The following ANKRD39 variants were observed in gnomAD, a reference collection of about 807,000 sequenced individuals.
ANKRD39 encodes the protein ankyrin repeat domain 39.
In ANKRD39, 18 loss-of-function variants were observed where a neutral mutation model predicts 20.3. That is an observed-to-expected ratio of 0.89 (90% confidence interval 0.61 to 1.32). The LOEUF (loss-of-function observed/expected upper bound fraction) is 1.32, where lower values mean the gene tolerates loss of function less well. Among genes scored for constraint, ANKRD39 ranks in the 40% most tolerant of loss-of-function variants. ANKRD39 has a pLI of 0.00. For missense variants in ANKRD39, 243 were observed against 250.7 expected (o/e 0.97, Z 0.21); for synonymous variants, 106 against 111.9 (o/e 0.95, Z 0.33).
chr2:96,856,429 A>G (rs2153360103), intron 1 of ANKRD39, among the ~76,000 whole-genome samples: 1 of 150,000 alleles, frequency 6.7e-6, no homozygotes, highest in Non-Finnish European at 1.5e-5. Flanking sequence ...AGATTGCGCT[A>G]CTGCACGCCA....
At chr2:96,855,463 G>A (rs1306922789) in intron 1 of ANKRD39, among the ~76,000 whole-genome samples, 1 of 152,200 alleles carries the variant, frequency 6.6e-6, no homozygotes, top group Non-Finnish European at 1.5e-5. Flanking sequence ...AGTGGCTCAC[G>A]CCTGTAATCC....
Position 96,848,403 on chromosome 2 carries a change from CAGG to C in ANKRD39, c.447_449del (p.Leu150del), listed in dbSNP as rs761726697. On this transcript the variant is annotated inframe_deletion, in exon 4 of 4. Coordinates refer to ENST00000393537, the MANE Select transcript of ANKRD39 (RefSeq NM_016466.6). ...TGGCCTTCAGGGCTGGGCTGTGTTG[CAGG>C]AGGAGGGAGCAGATGTCCCCGTGAC... is the stretch of plus-strand genomic sequence containing the variant. 1.9e-6 allele frequency: 3 copies of C among 1,614,164 alleles called. No individual in the cohort carries two copies. In the Admixed American group the frequency reaches 5.0e-5, roughly 27 times the overall value.
rs775130091 is a variant in ANKRD39, at chr2:96,848,267, A to G, written c.*34T>C. 2 of 1,612,256 alleles carry G rather than the reference A, an allele frequency of 1.2e-6. No individual in the cohort carries two copies. Among genetic ancestry groups the G allele is most frequent in the South Asian group, 2.2e-5 (2 of 90,980 alleles). On this transcript the variant is annotated 3_prime_UTR_variant, in exon 4 of 4. Coordinates refer to ENST00000393537, the MANE Select transcript of ANKRD39 (RefSeq NM_016466.6). Reference sequence around the variant, plus strand: ...AGGGGCTTGGAGAACTGGTCTGTGTACCCTTTAAAGGCAGCTGGAGATAGG... The same window carrying G: ...AGGGGCTTGGAGAACTGGTCTGTGTGCCCTTTAAAGGCAGCTGGAGATAGG...
chr2:96,857,992 G>A lies in ANKRD39; in HGVS notation c.-5C>T, dbSNP rs771509338. 2.6e-6 allele frequency: 4 copies of A among 1,525,472 alleles called. No homozygotes were observed. Among genetic ancestry groups the A allele is most frequent in the Non-Finnish European group, 3.5e-6 (4 of 1,143,366 alleles). 94.5% of individuals were successfully genotyped at this position (1,525,472 alleles called of 1,614,324 possible). On this transcript the variant is annotated 5_prime_UTR_variant, in exon 1 of 4. Coordinates refer to ENST00000393537, the MANE Select transcript of ANKRD39 (RefSeq NM_016466.6). Reference sequence around the variant, plus strand: ...GCAGGGCCGAGGCGTCGCCATCCCGGCCCCGGCGTCAGTCGATCCGCCCCG... The same window carrying A: ...GCAGGGCCGAGGCGTCGCCATCCCGACCCCGGCGTCAGTCGATCCGCCCCG...
intron 2 of ANKRD39, 59 bp from the exon 3 acceptor site, chr2:96,853,663 A>T: frequency 6.5e-7 from 1 of 1,549,120 alleles, no homozygotes; most frequent in Non-Finnish European, 8.8e-7. Context: ...CAAGGGTGGT[A>T]TAGAGGTGAG....
rs534192996 is a variant in ANKRD39 at position 96,848,744 on chromosome 2, C to T, written c.409-300G>A. Among the ~76,000 whole-genome samples, 153 of 152,172 alleles carry T rather than the reference C, an allele frequency of 1.0e-3. 3 individuals are homozygous for T. The highest frequency in any genetic ancestry group is 3.4e-3 in the Middle Eastern group (1 of 294). ...GCTGAGACAGGAATATCGCTTGAACCCGGGAGGCGGAGGTTGCAGTGAGCT... is the reference window on the plus strand; with the variant it reads ...GCTGAGACAGGAATATCGCTTGAACTCGGGAGGCGGAGGTTGCAGTGAGCT... On this transcript the variant is annotated intron_variant, in intron 3 of 3. Transcript: ENST00000393537.
chr2:96,849,605 G>A (rs1175750454), intron 3 of ANKRD39, among the ~76,000 whole-genome samples: 2 of 151,988 alleles, frequency 1.3e-5, no homozygotes, highest in Non-Finnish European at 2.9e-5. Context: ...AGCCGAGATC[G>A]CGCCACTGCA....
At chr2:96,856,907 C>T (rs1300797413) in intron 1 of ANKRD39, among the ~76,000 whole-genome samples, 1 of 152,120 alleles carries the variant, frequency 6.6e-6, no homozygotes, top group East Asian at 1.9e-4. Flanking sequence ...CAAAACAAGA[C>T]CAGTGTGGCT....
intron 3 of ANKRD39, among the ~76,000 whole-genome samples, chr2:96,849,000 TAA>T (rs1275843133): frequency 6.6e-6 from 1 of 152,162 alleles, no homozygotes; most frequent in Non-Finnish European, 1.5e-5. Flanking sequence ...ACCTACACAT[TAA>T]AAACAAGTAC....
chr2:96,852,560 G>A (rs1219545257), intron 3 of ANKRD39, among the ~76,000 whole-genome samples: 1 of 148,328 alleles, frequency 6.7e-6, no homozygotes, highest in African/African-American at 2.5e-5. Context: ...GCAAACCCCA[G>A]GAAACCTTCA....
rs145738875 is a variant in ANKRD39 at position 96,848,426 on chromosome 2, C to G, written c.427G>C (p.Gly143Arg). The change falls in exon 4 of 4, where the codon GGG becomes CGG. Residue 143 changes from glycine (G) to arginine (R), a missense_variant. Gly to Arg is a moderately radical substitution (Grantham distance 125). Coordinates refer to ENST00000393537, the MANE Select transcript of ANKRD39 (RefSeq NM_016466.6). ...SLHKAAERGH[G>R]DICSLLLQHS... The stretch of plus-strand genomic sequence containing the variant: ...TGCAGGAGGAGGGAGCAGATGTCCC[C>G]GTGACCCCTCTCAGCAGCCTGTGGA... 6.2e-7 allele frequency: 1 copy of G among 1,614,002 alleles called. No homozygotes were observed. Among genetic ancestry groups the G allele is most frequent in the African/African-American group, 1.3e-5 (1 of 74,902 alleles).
intron 3 of ANKRD39, among the ~76,000 whole-genome samples, chr2:96,852,433 T>G (rs1574135553): frequency 8.4e-6 from 1 of 118,492 alleles, no homozygotes; most frequent in South Asian, 2.7e-4. Context: ...AAATTATTAG[T>G]AGGGCCTCTG....
intron 2 of ANKRD39, among the ~76,000 whole-genome samples, chr2:96,854,137 A>C (rs2079851925): frequency 2.0e-5 from 3 of 152,242 alleles, no homozygotes; most frequent in Admixed American, 6.5e-5. Context: ...AAAACAAAAC[A>C]AAACCTAAAT....
intron 3 of ANKRD39, among the ~76,000 whole-genome samples, chr2:96,851,892 T>C (rs574665894): frequency 6.6e-6 from 1 of 151,900 alleles, no homozygotes; most frequent in Admixed American, 6.6e-5. Flanking sequence ...GAGTAGTAGG[T>C]TCAAGAAAAT....
chr2:96,853,389 G>T lies in ANKRD39; in HGVS notation c.408+12C>A, dbSNP rs1459989529. 1 of 1,561,770 alleles carries T rather than the reference G, an allele frequency of 6.4e-7. No individual in the cohort carries two copies. Among genetic ancestry groups the T allele is most frequent in the South Asian group, 1.2e-5 (1 of 85,050 alleles). On this transcript the variant is annotated intron_variant, in intron 3 of 3. Transcript: ENST00000393537. ...AAGGAAACGACATTTTTGGAAGGGGGAACGGGCCCACCTTATGCAGACTGG... is the reference window on the plus strand; with the variant it reads ...AAGGAAACGACATTTTTGGAAGGGGTAACGGGCCCACCTTATGCAGACTGG...
intron 1 of ANKRD39, among the ~76,000 whole-genome samples, chr2:96,857,282 A>G (rs1401765549): frequency 1.3e-5 from 2 of 152,190 alleles, no homozygotes; most frequent in African/African-American, 2.4e-5. Context: ...GTGGTTCCCA[A>G]CGCTCACAAG....
chr2:96,851,448 A>C (rs1012193483), intron 3 of ANKRD39, among the ~76,000 whole-genome samples: 1 of 151,916 alleles, frequency 6.6e-6, no homozygotes, highest in African/African-American at 2.4e-5. Context: ...GAGCCACCAC[A>C]CCCGGCCTAA....
rs2079852449 is a variant in ANKRD39, at chr2:96,854,264, C to T, written c.204+74G>A. The T allele has an allele frequency of 1.2e-5, 17 of 1,433,644 alleles. No homozygotes were observed. In the East Asian group the frequency reaches 4.0e-4, roughly 34 times the overall value. The allele number at this position is 1,433,644 out of a possible 1,614,324, so 88.8% of individuals were successfully genotyped here. A position where few individuals can be genotyped will look rare whatever the true frequency, so the allele number is the denominator to read the frequency against. On this transcript the variant is annotated intron_variant, in intron 2 of 3. Coordinates refer to ENST00000393537, the MANE Select transcript of ANKRD39 (RefSeq NM_016466.6). ...GAGGAGGTAAAAGGTAACCATCAGT[C>T]CCCCTCCTCAGAGAGCAGGTGTCTC... is the stretch of plus-strand genomic sequence containing the variant.
intron 2 of ANKRD39, 128 bp from the exon 3 acceptor site, chr2:96,853,732 C>T (rs2079850028): frequency 1.1e-5 from 10 of 872,848 alleles, no homozygotes; most frequent in Admixed American, 6.8e-5. Flanking sequence ...CCCCAGCAGT[C>T]GTGTGACCTG....
Sources: gnomAD v4.1 joint callset for allele counts (sites outside exome capture counted in the v4.1 genomes callset) on GRCh38, gnomAD v4.1.1 for gene constraint, MANE v1.5 for transcripts, NCBI Gene and HGNC (gene_info 2026-07-23, HGNC 2026-07-21) for gene names.